DPEP1: variants seen among roughly 807,000 people sequenced by gnomAD.
The protein encoded by DPEP1 is beta-lactamase.
DPEP1 carries 50 observed loss-of-function variants against 42.3 expected under a neutral mutation model. The observed-to-expected ratio is 1.18, with a 90% CI of 0.94 to 1.50. The LOEUF is 1.50. Among genes scored for constraint, DPEP1 ranks in the 40% most tolerant of loss-of-function variants. The probability of loss-of-function intolerance (pLI) is 0.00; values close to 1 mark genes in which losing one functional copy is unlikely to be tolerated. For missense variants in DPEP1, 663 were observed against 553.0 expected, an observed-to-expected ratio of 1.20 and a Z score of -1.99; for synonymous variants, 297 against 234.0, an observed-to-expected ratio of 1.27 and a Z score of -2.46.
chr16:89,626,220 C>T (rs1366671437), intron 1 of DPEP1, among the ~76,000 whole-genome samples: 3 of 152,202 alleles, frequency 2.0e-5, no homozygotes, highest in African/African-American at 7.2e-5. Flanking sequence ...CAAATCTCAT[C>T]TCAGATTATA....
chr16:89,616,883 C>T (rs1018259598), intron 1 of DPEP1: 10 of 232,766 alleles, frequency 4.3e-5, no homozygotes, highest in Non-Finnish European at 6.1e-5. Context: ...AGGAAGCGGC[C>T]GGGAAGCAGG....
intron 1 of DPEP1, among the ~76,000 whole-genome samples, chr16:89,625,911 C>T (rs2059505343): frequency 6.6e-6 from 1 of 152,146 alleles, no homozygotes; most frequent in South Asian, 2.1e-4. Context: ...GAGGGGAACC[C>T]ACAGCCTACC....
intron 1 of DPEP1, among the ~76,000 whole-genome samples, chr16:89,621,712 G>C (rs764711470): frequency 6.6e-5 from 10 of 152,226 alleles, no homozygotes; most frequent in African/African-American, 9.6e-5. Flanking sequence ...CGGCTCACCT[G>C]TGCATGCACG....
At chr16:89,626,691 C>G (rs4248913) in intron 1 of DPEP1, among the ~76,000 whole-genome samples, 1 of 151,766 alleles carries the variant, frequency 6.6e-6, no homozygotes, top group Non-Finnish European at 1.5e-5. Context: ...CAGTCCCCCC[C>G]TCAAACTCTC....
intron 1 of DPEP1, among the ~76,000 whole-genome samples, chr16:89,620,213 A>G (rs1449364333): frequency 6.6e-6 from 1 of 151,946 alleles, no homozygotes; most frequent in Non-Finnish European, 1.5e-5. Context: ...CTGAGGACGG[A>G]GTTTGTCCCA....
intron 2 of DPEP1, among the ~76,000 whole-genome samples, chr16:89,635,695 T>C (rs1279081873): frequency 1.3e-5 from 2 of 152,132 alleles, no homozygotes; most frequent in African/African-American, 4.8e-5. Flanking sequence ...GGCTCGGGGT[T>C]CCCTGCCCTG....
At chr16:89,616,124 G>A (rs1264417629) in intron 1 of DPEP1, among the ~76,000 whole-genome samples, 3 of 151,872 alleles carry the variant, frequency 2.0e-5, no homozygotes, top group African/African-American at 7.3e-5. Flanking sequence ...CTCCAGCTGG[G>A]GTGCGCAGCA....
chr16:89,636,727 G>A, intron 5 of DPEP1, 44 bp downstream of exon 5: 4 of 1,607,344 alleles, frequency 2.5e-6, no homozygotes, highest in Non-Finnish European at 2.5e-6. Context: ...TGGTCAGGAG[G>A]GAGGGGGCAG....
At position 89,622,617 on chromosome 16, in the gene DPEP1, C is replaced by G. The variant is rs145536259; in HGVS notation, c.-106-7688C>G. On this transcript the variant is annotated intron_variant, in intron 1 of 10. Coordinates refer to ENST00000690203, the MANE Select transcript of DPEP1 (RefSeq NM_001389466.1). ...TGGCCAACATGGTGAAACCCTGTCT[C>G]TACTAAAAATACAAAAATTAGTCGG... is the stretch of plus-strand genomic sequence containing the variant. Among the ~76,000 whole-genome samples the G allele has an allele frequency of 0.024, 3,612 of 152,118 alleles. 619 individuals are homozygous for G. The East Asian group carries it at 0.48, about 20-fold the overall frequency.
chr16:89,634,002 C>G (rs2059625010), intron 2 of DPEP1, among the ~76,000 whole-genome samples: 1 of 152,070 alleles, frequency 6.6e-6, no homozygotes, highest in Admixed American at 6.6e-5. Flanking sequence ...TCCTCACAGC[C>G]TGGTTGAAAC....
intron 2 of DPEP1, among the ~76,000 whole-genome samples, chr16:89,631,681 C>A (rs573311332): frequency 1.5e-3 from 232 of 152,282 alleles, no homozygotes; most frequent in African/African-American, 4.6e-3. Context: ...CATGGCGAAA[C>A]CCTGTCTCTA....
At chr16:89,623,898 A>G (rs1030629794) in intron 1 of DPEP1, among the ~76,000 whole-genome samples, 2 of 152,126 alleles carry the variant, frequency 1.3e-5, no homozygotes, top group Admixed American at 1.3e-4. Flanking sequence ...GCCTCACACT[A>G]AAGCACGTGG....
At chr16:89,637,131 C>G (rs2059691718) in intron 6 of DPEP1, 73 bp from the exon 7 acceptor site, 5 of 1,558,918 alleles carry the variant, frequency 3.2e-6, no homozygotes, top group South Asian at 1.2e-5. Context: ...TGACTCACAT[C>G]TGGTCCAGCC....
chr16:89,622,675 T>C (rs1020986556), intron 1 of DPEP1, among the ~76,000 whole-genome samples: 1 of 151,534 alleles, frequency 6.6e-6, no homozygotes, highest in African/African-American at 2.4e-5. Context: ...TCCCAGCTAC[T>C]TGGGAGGCTG....
chr16:89,639,659 G>A (rs1281127819), downstream of DPEP1, among the ~76,000 whole-genome samples: 2 of 151,532 alleles, frequency 1.3e-5, no homozygotes, highest in African/African-American at 2.4e-5. Flanking sequence ...TAAGGGCCCA[G>A]GAACCTGCAC....
At chr16:89,634,237 C>T (rs1807076) in intron 2 of DPEP1, among the ~76,000 whole-genome samples, 5,854 of 151,842 alleles carry the variant, frequency 0.039, 295 homozygotes, top group African/African-American at 0.12. Flanking sequence ...TACAGGCACC[C>T]GCCACCACTC....
downstream of DPEP1, among the ~76,000 whole-genome samples, chr16:89,639,100 C>CACACACATA (rs142305008): frequency 7.5e-5 from 2 of 26,638 alleles, no homozygotes; most frequent in Non-Finnish European, 7.5e-5. Flanking sequence ...CACACACACA[C>CACACACATA]CCCCACCCCT....
rs2059704997 is a variant in DPEP1 at position 89,637,865 on chromosome 16, A to G, written c.959A>G (p.Lys320Arg). The change falls in exon 10 of 11, where the codon AAG becomes AGG. Residue 320 changes from lysine to arginine, a missense_variant. Coordinates refer to ENST00000690203, the MANE Select transcript of DPEP1 (RefSeq NM_001389466.1). ...RVPEGLEDVS[K>R]YPDLIAELLR... is the part of the protein sequence containing the mutation. ...CCTGAGGGGCTGGAGGACGTCTCCA[A>G]GTATCCAGACCTGATCGCTGAGCTG... The G allele has an allele frequency of 3.1e-6, 5 of 1,612,788 alleles. No homozygotes were observed. Among genetic ancestry groups the G allele is most frequent in the Non-Finnish European group, 4.2e-6 (5 of 1,179,906 alleles).
intron 2 of DPEP1, among the ~76,000 whole-genome samples, chr16:89,634,729 T>TCC (rs2059642701): frequency 8.4e-6 from 1 of 118,826 alleles, no homozygotes; most frequent in African/African-American, 3.4e-5. Flanking sequence ...TTCCCTTCCT[T>TCC]CTCCTTTCCC....
Sources: allele counts gnomAD v4.1 joint callset (sites outside exome capture counted in the v4.1 genomes callset), GRCh38; gene constraint gnomAD v4.1.1; transcripts MANE v1.5; gene names NCBI Gene and HGNC (gene_info 2026-07-23, HGNC 2026-07-21).